NPR3: variants seen among roughly 807,000 people sequenced by gnomAD.
The protein encoded by NPR3 is natriuretic peptide receptor 3.
NPR3 carries 34 observed loss-of-function variants against 54.5 expected under a neutral mutation model. The observed-to-expected ratio is 0.62, with a 90% CI of 0.47 to 0.83. NPR3 has a LOEUF of 0.83. Ranked by LOEUF, NPR3 falls within the 40% of genes least tolerant of loss-of-function variation. The pLI, the probability that NPR3 is intolerant of heterozygous loss-of-function variation, is 0.00. For synonymous variants in NPR3, 289 were observed against 297.1 expected (o/e 0.97, Z 0.28); for missense variants, 674 against 720.8 (o/e 0.94, Z 0.74).
chr5:32,704,793 C>T (rs1462006350), upstream of NPR3, among the ~76,000 whole-genome samples: 2 of 152,190 alleles, frequency 1.3e-5, no homozygotes, highest in African/African-American at 4.8e-5. Flanking sequence ...GTGCCCATTT[C>T]CTGCACTCCC....
intron 1 of NPR3, among the ~76,000 whole-genome samples, chr5:32,701,501 T>C (rs1343394099): frequency 6.6e-6 from 1 of 152,258 alleles, no homozygotes; most frequent in African/African-American, 2.4e-5. Context: ...CTTCCCAGGA[T>C]TGATCCTTGT....
At chr5:32,752,882 C>A (rs1206432649) in intron 3 of NPR3, among the ~76,000 whole-genome samples, 1 of 152,158 alleles carries the variant, frequency 6.6e-6, no homozygotes, top group Non-Finnish European at 1.5e-5. Context: ...ATACATTACT[C>A]CCATTTTCTT....
intron 1 of NPR3, among the ~76,000 whole-genome samples, chr5:32,717,462 C>G (rs1328258900): frequency 1.3e-5 from 2 of 152,144 alleles, no homozygotes; most frequent in Non-Finnish European, 2.9e-5. Flanking sequence ...ATAATTTACA[C>G]TCCCACCAAC....
At chr5:32,712,583 C>T in intron 1 of NPR3, 38 bp downstream of exon 1, 1 of 1,492,014 alleles carries the variant, frequency 6.7e-7, no homozygotes, top group Non-Finnish European at 8.9e-7. Flanking sequence ...GGCCCTAACC[C>T]AACCGCTCTC....
At chr5:32,712,874 G>A (rs1052760156) in intron 1 of NPR3, among the ~76,000 whole-genome samples, 6 of 152,114 alleles carry the variant, frequency 3.9e-5, no homozygotes, top group Admixed American at 1.3e-4. Context: ...TGGTGATTAG[G>A]GGGCGCACTC....
chr5:32,744,467 G>A (rs1740197140), intron 3 of NPR3, among the ~76,000 whole-genome samples: 1 of 152,070 alleles, frequency 6.6e-6, no homozygotes, highest in South Asian at 2.1e-4. Context: ...AACAATTTTT[G>A]ACTGAAAAAG....
intron 4 of NPR3, 115 bp downstream of exon 4, chr5:32,774,958 TC>T: frequency 1.3e-6 from 1 of 794,052 alleles, no homozygotes; most frequent in Non-Finnish European, 2.2e-6. Flanking sequence ...TTTTCTCAGC[TC>T]TAAAGCAGCC....
At chr5:32,779,858 T>C (rs1480539313) in intron 4 of NPR3, among the ~76,000 whole-genome samples, 2 of 152,238 alleles carry the variant, frequency 1.3e-5, no homozygotes, top group Admixed American at 6.5e-5. Context: ...TTAAATGTGC[T>C]GAAAGTGCTT....
At chr5:32,769,196 C>T (rs1232236529) in intron 3 of NPR3, among the ~76,000 whole-genome samples, 3 of 152,122 alleles carry the variant, frequency 2.0e-5, no homozygotes, top group African/African-American at 4.8e-5. Flanking sequence ...CTAAATTGTA[C>T]ACTTATTTTA....
chr5:32,755,086 T>C (rs1252774138), intron 3 of NPR3, among the ~76,000 whole-genome samples: 1 of 152,160 alleles, frequency 6.6e-6, no homozygotes, highest in African/African-American at 2.4e-5. Flanking sequence ...GTTCTCGATC[T>C]CCTGACCTCG....
chr5:32,764,438 T>C (rs1435621838), intron 3 of NPR3, among the ~76,000 whole-genome samples: 1 of 152,060 alleles, frequency 6.6e-6, no homozygotes, highest in Non-Finnish European at 1.5e-5. Flanking sequence ...GGGTCAAATC[T>C]CTGCTAGCTA....
intron 3 of NPR3, among the ~76,000 whole-genome samples, chr5:32,764,554 G>T (rs568072279): frequency 7.2e-5 from 11 of 152,046 alleles, no homozygotes; most frequent in African/African-American, 1.2e-4. Flanking sequence ...TTGGGAGGCC[G>T]AGGCGGGTGG....
intron 3 of NPR3, among the ~76,000 whole-genome samples, chr5:32,752,972 G>A (rs1740650278): frequency 1.3e-5 from 2 of 152,176 alleles, no homozygotes; most frequent in African/African-American, 4.8e-5. Flanking sequence ...TGAAGAACTT[G>A]GGAATCTCCT....
intron 5 of NPR3, 102 bp downstream of exon 5, chr5:32,780,918 C>A: frequency 1.6e-6 from 1 of 623,488 alleles, no homozygotes. Context: ...AATGCAGCTT[C>A]CAAATAAAAA....
At chr5:32,711,281 C>T, upstream of NPR3, 2 of 984,482 alleles carry the variant, frequency 2.0e-6, no homozygotes, top group South Asian at 4.7e-5. Flanking sequence ...CGCTCAGCCG[C>T]TGCCACGCTA....
upstream of NPR3, among the ~76,000 whole-genome samples, chr5:32,707,723 C>T (rs1738033252): frequency 6.6e-6 from 1 of 152,028 alleles, no homozygotes; most frequent in Non-Finnish European, 1.5e-5. Context: ...TAGGTGGGTT[C>T]TTAGTTTAGA....
At chr5:32,719,778 T>C (rs928006436) in intron 1 of NPR3, among the ~76,000 whole-genome samples, 1 of 106,006 alleles carries the variant, frequency 9.4e-6, no homozygotes, top group East Asian at 2.0e-4. Flanking sequence ...TTACCACCTA[T>C]GTTGTTGTTG....
At chr5:32,719,453 C>A (rs1003199872) in intron 1 of NPR3, among the ~76,000 whole-genome samples, 1 of 152,156 alleles carries the variant, frequency 6.6e-6, no homozygotes, top group African/African-American at 2.4e-5. Context: ...AATTTTCCCT[C>A]GAATTGTGAC....
chr5:32,723,907 TCTC>T (rs1579607600), intron 1 of NPR3, among the ~76,000 whole-genome samples: 1 of 151,898 alleles, frequency 6.6e-6, no homozygotes, highest in Non-Finnish European at 1.5e-5. Context: ...CTTCCTTTCT[TCTC>T]CTCTTTTCTA....
Sources: allele counts gnomAD v4.1 joint callset (sites outside exome capture counted in the v4.1 genomes callset), GRCh38; gene constraint gnomAD v4.1.1; transcripts MANE v1.5; gene names NCBI Gene and HGNC (gene_info 2026-07-23, HGNC 2026-07-21).